Variants in SDK2 observed in about 807,000 individuals in gnomAD.
SDK2 encodes the protein sidekick cell adhesion molecule 2, also known as protein sidekick-2.
A neutral mutation model predicts 253.9 loss-of-function variants in SDK2; 105 were observed. That is an observed-to-expected ratio of 0.41 (90% CI 0.35 to 0.49). The LOEUF is 0.49. Among genes scored for constraint, SDK2 ranks in the 20% least tolerant of loss-of-function variants. The probability of loss-of-function intolerance (pLI) is 0.06; values close to 1 mark genes in which losing one functional copy is unlikely to be tolerated. For missense variants in SDK2, 2,608 were observed against 3,003.0 expected, an observed-to-expected ratio of 0.87 and a Z score of 3.07; for synonymous variants, 1,249 against 1,234.9, an observed-to-expected ratio of 1.01 and a Z score of -0.24.
At chr17:73,610,024 G>A (rs2045953944) in intron 1 of SDK2, among the ~76,000 whole-genome samples, 1 of 152,216 alleles carries the variant, frequency 6.6e-6, no homozygotes, top group African/African-American at 2.4e-5. Flanking sequence ...CCCCACAAAT[G>A]CTTGTGCAGC....
rs1331325480 is a variant in SDK2 at position 73,403,359 on chromosome 17, A to G, written c.2485-1218T>C. On this transcript the variant is annotated intron_variant, in intron 18 of 44. Transcript: ENST00000392650. ...CAAGTAGAGGCGGGGCATCGGCAAG[A>G]AAGTCCCATCTGGAAATCCCTCAAG... Among the ~76,000 whole-genome samples, 3 of 152,156 alleles carry G rather than the reference A, an allele frequency of 2.0e-5. No homozygotes were observed. In the East Asian group the frequency reaches 5.8e-4, roughly 29 times the overall value.
chr17:73,569,354 C>A (rs1257099093), intron 1 of SDK2, among the ~76,000 whole-genome samples: 1 of 152,030 alleles, frequency 6.6e-6, no homozygotes, highest in Non-Finnish European at 1.5e-5. Flanking sequence ...CACGCCACCA[C>A]ACCCAGCTAA....
intron 1 of SDK2, among the ~76,000 whole-genome samples, chr17:73,582,215 T>C (rs1316962351): frequency 1.5e-5 from 2 of 131,256 alleles, no homozygotes; most frequent in Non-Finnish European, 3.4e-5. Context: ...CATCAGCATT[T>C]GGGGGCGCAC....
chr17:73,526,007 GA>G (rs1567823270), intron 1 of SDK2, among the ~76,000 whole-genome samples: 1 of 152,220 alleles, frequency 6.6e-6, no homozygotes, highest in Non-Finnish European at 1.5e-5. Context: ...TTGGCAGTGG[GA>G]CAAGTGCGCG....
chr17:73,370,923 G>A (rs2062729812), intron 36 of SDK2, among the ~76,000 whole-genome samples: 1 of 151,974 alleles, frequency 6.6e-6, no homozygotes, highest in Admixed American at 6.6e-5. Context: ...AATTAGCCAG[G>A]AGTGGTGGTG....
At chr17:73,615,388 A>T (rs550153734) in intron 1 of SDK2, among the ~76,000 whole-genome samples, 7 of 152,318 alleles carry the variant, frequency 4.6e-5, no homozygotes, top group African/African-American at 1.7e-4. Context: ...CCTCCTCACC[A>T]TAAGCCCTAG....
chr17:73,436,672 G>GCTTGC (rs1256092563), intron 8 of SDK2, among the ~76,000 whole-genome samples: 1 of 150,076 alleles, frequency 6.7e-6, no homozygotes, highest in Non-Finnish European at 1.5e-5. Flanking sequence ...CACTAAGCCT[G>GCTTGC]CTTGCCTTCC....
rs753084965 is a variant in SDK2 at position 73,395,148 on chromosome 17, T to C, written c.3592+7A>G. On this transcript the variant is annotated splice_region_variant and intron_variant, in intron 25 of 44. Coordinates refer to ENST00000392650, the MANE Select transcript of SDK2 (RefSeq NM_001144952.2). This position sits in a 1 kb window ranked among gnomAD's most constrained non-coding sequence, Gnocchi z 4.3. ...CAGCAGGGTGGCTGGGTGTGAGGGG[T>C]TGGTACCTGACTCCCGGGTCCTGCC... 5.7e-6 allele frequency: 9 copies of C among 1,574,656 alleles called. No individual in the cohort carries two copies. The South Asian group carries it at 8.1e-5, about 14-fold the overall frequency.
At chr17:73,463,281 A>G (rs951230001) in intron 3 of SDK2, among the ~76,000 whole-genome samples, 2 of 152,232 alleles carry the variant, frequency 1.3e-5, no homozygotes, top group African/African-American at 2.4e-5. Context: ...AAGGTGCTGA[A>G]AATTATTCCT....
rs547690601 is a variant in SDK2, at chr17:73,499,669, G to T, written c.224+7769C>A. Reference sequence around the variant, plus strand: ...GGGCAGCACACTCAGGTCCAACAGTGCTCCCAGATCTGCCGCTCACTCTCT... The same window carrying T: ...GGGCAGCACACTCAGGTCCAACAGTTCTCCCAGATCTGCCGCTCACTCTCT... On this transcript the variant is annotated intron_variant, in intron 2 of 44. Coordinates refer to ENST00000392650, the MANE Select transcript of SDK2 (RefSeq NM_001144952.2). Among the ~76,000 whole-genome samples, 664 of 152,328 alleles carry T rather than the reference G, an allele frequency of 4.4e-3. 7 individuals carry two copies. The highest frequency in any genetic ancestry group is 0.015 in the African/African-American group (634 of 41,564).
At chr17:73,366,480 G>C (rs937303285) in intron 37 of SDK2, among the ~76,000 whole-genome samples, 1 of 152,182 alleles carries the variant, frequency 6.6e-6, no homozygotes, top group Non-Finnish European at 1.5e-5. Flanking sequence ...AGGAACTGAT[G>C]CCACAGGTGT....
At chr17:73,398,923 G>A (rs2062995093) in intron 22 of SDK2, among the ~76,000 whole-genome samples, 1 of 152,266 alleles carries the variant, frequency 6.6e-6, no homozygotes, top group Middle Eastern at 3.4e-3. Context: ...CCAGCAACTG[G>A]GTATTTTTCT....
At chr17:73,480,107 T>C (rs2063712112) in intron 2 of SDK2, among the ~76,000 whole-genome samples, 1 of 152,244 alleles carries the variant, frequency 6.6e-6, no homozygotes, top group Non-Finnish European at 1.5e-5. Context: ...ATCCTCACAG[T>C]ACTGCAGAGG....
chr17:73,501,968 C>A (rs1054056977), intron 2 of SDK2, among the ~76,000 whole-genome samples: 3 of 152,162 alleles, frequency 2.0e-5, no homozygotes, highest in African/African-American at 7.2e-5. Flanking sequence ...GCAGGCCTGA[C>A]TTCAACGTCT....
At chr17:73,393,419 G>A (rs923935094) in intron 27 of SDK2, 141 bp downstream of exon 27, 18 of 620,460 alleles carry the variant, frequency 2.9e-5, no homozygotes, top group Middle Eastern at 4.4e-4. Flanking sequence ...GGTAGCTCTG[G>A]GTGACCCATC....
intron 1 of SDK2, among the ~76,000 whole-genome samples, chr17:73,564,384 G>C (rs1027195696): frequency 6.6e-6 from 1 of 152,194 alleles, no homozygotes; most frequent in African/African-American, 2.4e-5. Flanking sequence ...TCTGCTTAAA[G>C]TGAGGCAGGT....
At position 73,424,039 on chromosome 17, in the gene SDK2, A is replaced by G; in HGVS notation, c.1637T>C (p.Ile546Thr). 1.2e-6 allele frequency: 2 copies of G among 1,612,986 alleles called. No homozygotes were observed. The highest frequency in any genetic ancestry group is 1.7e-6 in the Non-Finnish European group (2 of 1,179,664). The change falls in exon 13 of 45, where the codon ATC becomes ACC. Residue 546 changes from isoleucine (I) to threonine (T), a missense_variant. Physicochemically the swap from Ile to Thr is moderately conservative, Grantham distance 89. Around this residue, in one of 2 missense-constraint regions of SDK2, gnomAD observed 1,505 missense variants for 1,859.1 expected, o/e 0.81. Transcript: ENST00000392650. ...CAGGGAGCCGTTTCTGTCCAGGCGG[A>G]TACGAGGATGGCTCTCCGTGCCCAG... Reference protein sequence around the residue: ...ATLGTESHPRIRLDRNGSLHI... With the variant: ...ATLGTESHPRTRLDRNGSLHI...
chr17:73,614,734 A>AGGGAGGGAGGGGGACAAGGATTGAAAAGG (rs1336992513), intron 1 of SDK2, among the ~76,000 whole-genome samples: 2 of 83,786 alleles, frequency 2.4e-5, no homozygotes, highest in East Asian at 9.9e-4. Flanking sequence ...GAAAAGGGGG[A>AGGGAGGGAGGGGGACAAGGATTGAAAAGG]GGGAGGGAGG....
At chr17:73,641,789 G>A (rs1455558864) in intron 1 of SDK2, among the ~76,000 whole-genome samples, 1 of 152,060 alleles carries the variant, frequency 6.6e-6, no homozygotes, top group Non-Finnish European at 1.5e-5. Flanking sequence ...GCCTGAGACT[G>A]GAAAAAACTC....
Sources: gnomAD v4.1 joint callset for allele counts (sites outside exome capture counted in the v4.1 genomes callset) on GRCh38, gnomAD v4.1.1 for gene constraint, gnomAD v4.1.1 regional missense constraint, Gnocchi (gnomAD v3.1) non-coding constraint, MANE v1.5 for transcripts, NCBI Gene and HGNC (gene_info 2026-07-23, HGNC 2026-07-21) for gene names.